Variants in SPATA33 observed in about 807,000 individuals in gnomAD.
SPATA33 encodes spermatogenesis-associated protein 33.
In SPATA33, 10 loss-of-function variants were observed where a neutral mutation model predicts 8.9. That is an observed-to-expected ratio of 1.12 (90% CI 0.69 to 1.90). The LOEUF is 1.90. Ranked by LOEUF, SPATA33 falls within the 40% of genes most tolerant of loss-of-function variation. The pLI, the probability that SPATA33 is intolerant of heterozygous loss-of-function variation, is 0.00. For missense variants in SPATA33, 241 were observed against 178.3 expected (o/e 1.35, Z -2.00); for synonymous variants, 96 against 72.8 (o/e 1.32, Z -1.63).
chr16:89,658,130 G>A (rs2151521880), intron 1 of SPATA33, 118 bp from the exon 2 acceptor site: 1 of 1,528,274 alleles, frequency 6.5e-7, no homozygotes, highest in South Asian at 1.3e-5. Context: ...ACGGAAACGC[G>A]GAGACTCGAG....
intron 2 of SPATA33, 81 bp downstream of exon 2, chr16:89,658,502 C>G (rs1230638279): frequency 1.9e-5 from 29 of 1,498,456 alleles, no homozygotes; most frequent in Non-Finnish European, 2.5e-5. Flanking sequence ...ACTGTAAGAC[C>G]CTACCGGATG....
intron 2 of SPATA33, chr16:89,661,438 C>T (rs115722732): frequency 0.01 from 1,570 of 156,874 alleles, 29 homozygotes; most frequent in African/African-American, 0.035. Flanking sequence ...CCCTACCTTC[C>T]GCCGTGATTG....
intron 2 of SPATA33, among the ~76,000 whole-genome samples, chr16:89,667,200 G>A (rs547027274): frequency 1.6e-4 from 25 of 152,298 alleles, no homozygotes; most frequent in Admixed American, 9.8e-4. Flanking sequence ...AGACGCTGGC[G>A]TTACCACTAG....
chr16:89,665,343 C>A (rs1483689701), intron 2 of SPATA33, among the ~76,000 whole-genome samples: 3 of 146,884 alleles, frequency 2.0e-5, no homozygotes, highest in African/African-American at 7.6e-5. Context: ...TGCTCTGTCG[C>A]CACCCAGGCT....
chr16:89,669,092 A>G (rs551538787), intron 2 of SPATA33, among the ~76,000 whole-genome samples, 194 bp from the exon 3 acceptor site: 40 of 152,146 alleles, frequency 2.6e-4, no homozygotes, highest in Non-Finnish European at 4.6e-4. Context: ...AGCATCAGCA[A>G]CCTTCATGGC....
chr16:89,658,177 C>G (rs1002005247), intron 1 of SPATA33, 71 bp from the exon 2 acceptor site: 3 of 1,594,928 alleles, frequency 1.9e-6, no homozygotes, highest in Non-Finnish European at 2.6e-6. Flanking sequence ...ACGCAGGCGA[C>G]TGAAGACGAT....
chr16:89,665,310 T>C (rs190429448), intron 2 of SPATA33, among the ~76,000 whole-genome samples: 1 of 122,652 alleles, frequency 8.2e-6, no homozygotes, highest in East Asian at 2.4e-4. Context: ...TTAATATTTC[T>C]TTTTTTTTTT....
chr16:89,660,676 C>T (rs2059955307), intron 2 of SPATA33: 1 of 832,038 alleles, frequency 1.2e-6, no homozygotes, highest in African/African-American at 1.8e-5. Flanking sequence ...CATGGAATGT[C>T]CAGAAAAGGC....
intron 1 of SPATA33, 110 bp from the exon 2 acceptor site, chr16:89,658,138 G>A (rs575460448): frequency 1.3e-6 from 2 of 1,540,380 alleles, no homozygotes; most frequent in Non-Finnish European, 1.7e-6. Flanking sequence ...GCGGAGACTC[G>A]AGACTTGAAG....
intron 2 of SPATA33, among the ~76,000 whole-genome samples, chr16:89,665,501 A>G (rs1187361742): frequency 3.4e-5 from 5 of 147,490 alleles, no homozygotes; most frequent in Non-Finnish European, 7.5e-5. Flanking sequence ...TTTTAAGTAG[A>G]GATGGGGTTT....
At chr16:89,657,985 CGCCCCTGGGCGCG>C in intron 1 of SPATA33, 37 bp downstream of exon 1, 2 of 1,503,104 alleles carry the variant, frequency 1.3e-6, no homozygotes, top group Non-Finnish European at 1.8e-6. Flanking sequence ...CCCGCGTCTC[CGCCCCTGGGCGCG>C]GGCCCAGGGC....
Position 89,669,277 on chromosome 16 carries a change from T to C in SPATA33, c.212-9T>C, listed in dbSNP as rs1158197104. The C allele has an allele frequency of 1.2e-6, 2 of 1,613,918 alleles. No individual in the cohort carries two copies. Among genetic ancestry groups the C allele is most frequent in the Non-Finnish European group, 1.7e-6 (2 of 1,179,896 alleles). On this transcript the variant is annotated splice_polypyrimidine_tract_variant and intron_variant, in intron 2 of 2. Transcript: ENST00000579310. ...CATCTACTAAATGCCTGGATGTTTT[T>C]TCCTCTAGAGAAACCTGATGTAAAG...
chr16:89,666,887 C>T (rs916017984), intron 2 of SPATA33, among the ~76,000 whole-genome samples: 1 of 152,198 alleles, frequency 6.6e-6, no homozygotes, highest in African/African-American at 2.4e-5. Flanking sequence ...ACTTTTAGTA[C>T]TTTCACTAAT....
chr16:89,669,545 G>A lies in SPATA33; in HGVS notation c.*48G>A, dbSNP rs764618552. On this transcript the variant is annotated 3_prime_UTR_variant, in exon 3 of 3. Transcript: ENST00000579310. ...CGCTACTCCCTGCGATAGGCGTCTCGGGAACAGCCGCCTCACCCTGTGAGA... is the reference window on the plus strand; with the variant it reads ...CGCTACTCCCTGCGATAGGCGTCTCAGGAACAGCCGCCTCACCCTGTGAGA... The A allele has an allele frequency of 1.6e-5, 26 of 1,577,046 alleles. No individual in the cohort carries two copies. Among genetic ancestry groups the A allele is most frequent in the South Asian group, 1.6e-4 (14 of 89,780 alleles).
intron 1 of SPATA33, 141 bp from the exon 2 acceptor site, chr16:89,658,107 G>A (rs2059906903): frequency 2.0e-6 from 3 of 1,496,280 alleles, no homozygotes; most frequent in Non-Finnish European, 2.7e-6. Flanking sequence ...CGCGTTTCCC[G>A]CCTGAGGCGG....
At chr16:89,663,650 G>C (rs2059990562) in intron 2 of SPATA33, among the ~76,000 whole-genome samples, 3 of 152,078 alleles carry the variant, frequency 2.0e-5, no homozygotes, top group African/African-American at 7.2e-5. Context: ...GAGGGGGTCT[G>C]TGAAGGGCAG....
At chr16:89,668,535 C>T (rs1400525994) in intron 2 of SPATA33, among the ~76,000 whole-genome samples, 1 of 152,206 alleles carries the variant, frequency 6.6e-6, no homozygotes, top group East Asian at 1.9e-4. Flanking sequence ...GAAGCCTGAA[C>T]AGCTGTGCCC....
chr16:89,666,038 G>C (rs1012063362), intron 2 of SPATA33, among the ~76,000 whole-genome samples: 3 of 152,122 alleles, frequency 2.0e-5, no homozygotes, highest in Non-Finnish European at 1.5e-5. Flanking sequence ...CCAAAATTGT[G>C]CCACTGCACT....
At chr16:89,657,985 C>T in intron 1 of SPATA33, 37 bp downstream of exon 1, 2 of 1,503,104 alleles carry the variant, frequency 1.3e-6, no homozygotes, top group Non-Finnish European at 8.8e-7. Context: ...CCCGCGTCTC[C>T]GCCCCTGGGC....
Sources: gnomAD v4.1 joint callset for allele counts (sites outside exome capture counted in the v4.1 genomes callset) on GRCh38, gnomAD v4.1.1 for gene constraint, MANE v1.5 for transcripts, NCBI Gene and HGNC (gene_info 2026-07-23, HGNC 2026-07-21) for gene names.